The following ANTXR2 variants were observed in gnomAD, a reference collection of about 807,000 sequenced individuals.
ANTXR2 encodes anthrax toxin receptor 2.
In ANTXR2, 44 loss-of-function variants were observed where a neutral mutation model predicts 73.7. The ratio of observed to expected loss-of-function variants is 0.60; its 90% CI spans 0.47 to 0.77. ANTXR2 has a LOEUF of 0.77. ANTXR2 is among the 30% of genes least tolerant of loss of function. ANTXR2 has a pLI of 0.00. For synonymous variants in ANTXR2, 217 were observed against 205.9 expected (o/e 1.05, Z -0.46); for missense variants, 604 against 592.5 (o/e 1.02, Z -0.20).
At position 79,905,922 on chromosome 4, in the gene ANTXR2, G is replaced by A. The variant is rs1168345775; in HGVS notation, c.*1507C>T. 1 of 152,492 alleles carries A rather than the reference G, an allele frequency of 6.6e-6. No homozygotes were observed. The highest frequency in any genetic ancestry group is 2.4e-5 in the African/African-American group (1 of 41,394). The allele number at this position is 152,492 out of a possible 1,614,324, so 9.4% of individuals were successfully genotyped here. On this transcript the variant is annotated 3_prime_UTR_variant, in exon 17 of 17. Transcript: ENST00000403729. ...GTTGAACTTATTTTTAGTGTCATTTGATAAGCCTTTGTGCTCACAGAGAGA... is the reference window on the plus strand; with the variant it reads ...GTTGAACTTATTTTTAGTGTCATTTAATAAGCCTTTGTGCTCACAGAGAGA...
chr4:79,930,349 C>T (rs190382557), intron 16 of ANTXR2, among the ~76,000 whole-genome samples: 1 of 152,262 alleles, frequency 6.6e-6, no homozygotes, highest in African/African-American at 2.4e-5. Flanking sequence ...CTAAAACCTA[C>T]AGTACAACAC....
intron 16 of ANTXR2, among the ~76,000 whole-genome samples, chr4:79,950,634 A>C (rs1387256650): frequency 6.6e-6 from 1 of 152,170 alleles, no homozygotes; most frequent in South Asian, 2.1e-4. Flanking sequence ...ACTTTAAAAA[A>C]CAAAACAAAA....
At chr4:80,039,779 A>G (rs1238408432) in intron 7 of ANTXR2, among the ~76,000 whole-genome samples, 4 of 152,098 alleles carry the variant, frequency 2.6e-5, no homozygotes, top group Non-Finnish European at 4.4e-5. Context: ...TACAGGATAC[A>G]TATCCAAAAG....
chr4:79,985,567 C>A (rs1458894335), intron 12 of ANTXR2, among the ~76,000 whole-genome samples: 4 of 151,956 alleles, frequency 2.6e-5, no homozygotes, highest in African/African-American at 7.3e-5. Flanking sequence ...ACAGAGACAC[C>A]AGCTGATCCC....
At chr4:80,009,646 A>T (rs1215837730) in intron 11 of ANTXR2, among the ~76,000 whole-genome samples, 5 of 152,096 alleles carry the variant, frequency 3.3e-5, no homozygotes, top group Non-Finnish European at 5.9e-5. Flanking sequence ...CAGGAGTATG[A>T]GACCAGCCTG....
chr4:80,039,820 T>C (rs891617508), intron 7 of ANTXR2, among the ~76,000 whole-genome samples: 2 of 151,998 alleles, frequency 1.3e-5, no homozygotes, highest in Non-Finnish European at 2.9e-5. Context: ...AAAGCAATCA[T>C]GTGTTCATCG....
chr4:79,956,225 C>T (rs1318880098), intron 16 of ANTXR2, among the ~76,000 whole-genome samples: 1 of 152,062 alleles, frequency 6.6e-6, no homozygotes, highest in Non-Finnish European at 1.5e-5. Context: ...GAGTAATATG[C>T]ATGCATTCTG....
At chr4:79,931,485 T>TC (rs1728055977) in intron 16 of ANTXR2, among the ~76,000 whole-genome samples, 1 of 132,996 alleles carries the variant, frequency 7.5e-6, no homozygotes, top group East Asian at 2.4e-4. Flanking sequence ...CTCTCTCTCT[T>TC]TCTCCCCAAA....
At chr4:79,910,565 A>G (rs911700422) in intron 16 of ANTXR2, among the ~76,000 whole-genome samples, 1 of 151,824 alleles carries the variant, frequency 6.6e-6, no homozygotes, top group Non-Finnish European at 1.5e-5. Context: ...CAAAAAAAAC[A>G]GATATTGTTG....
intron 10 of ANTXR2, among the ~76,000 whole-genome samples, 174 bp downstream of exon 10, chr4:80,031,449 G>A (rs1732689686): frequency 6.6e-6 from 1 of 151,846 alleles, no homozygotes. Context: ...TAAGAGTATA[G>A]CTGAAGTACT....
At chr4:80,024,406 G>A (rs1419449710) in intron 10 of ANTXR2, among the ~76,000 whole-genome samples, 1 of 152,180 alleles carries the variant, frequency 6.6e-6, no homozygotes, top group Non-Finnish European at 1.5e-5. Context: ...AGCTCATCAG[G>A]AAGAAAAAGG....
intron 16 of ANTXR2, among the ~76,000 whole-genome samples, chr4:79,976,798 T>C (rs1468944286): frequency 6.6e-6 from 1 of 152,188 alleles, no homozygotes. Context: ...CTTCCTGCCC[T>C]GCATCAGATT....
In ANTXR2 at chr4:80,072,424, T is replaced by C. The variant is rs1734843632; in HGVS notation, c.137A>G (p.Tyr46Cys). 1 of 1,605,106 alleles carries C rather than the reference T, an allele frequency of 6.2e-7. No homozygotes were observed. Among genetic ancestry groups the C allele is most frequent in the South Asian group, 1.1e-5 (1 of 89,826 alleles). ...QPSCRRAFDLYFVLDKSGSVA... is the reference protein window; with the variant it reads ...QPSCRRAFDLCFVLDKSGSVA... ...GCACACTCACTTGTCCAGGACGAAG[T>C]AGAGATCAAAGGCTCTTCTGCAGGA... The change falls in exon 1 of 17, where the codon TAC becomes TGC. Residue 46 changes from tyrosine (Y) to cysteine (C), a missense_variant. Transcript: ENST00000403729.
At chr4:79,988,706 C>T (rs564795784) in intron 12 of ANTXR2, among the ~76,000 whole-genome samples, 1 of 152,236 alleles carries the variant, frequency 6.6e-6, no homozygotes, top group Non-Finnish European at 1.5e-5. Context: ...TTCTCATCTG[C>T]ATATGGCACA....
chr4:80,014,818 C>T (rs1425979441), intron 11 of ANTXR2, among the ~76,000 whole-genome samples: 1 of 152,152 alleles, frequency 6.6e-6, no homozygotes, highest in Admixed American at 6.5e-5. Flanking sequence ...TTAGCACTAC[C>T]TCCTATTAGG....
At chr4:80,062,482 C>T (rs1187687304) in intron 3 of ANTXR2, among the ~76,000 whole-genome samples, 1 of 152,198 alleles carries the variant, frequency 6.6e-6, no homozygotes, top group African/African-American at 2.4e-5. Flanking sequence ...AGATGTGGGA[C>T]TTCAGCGAAA....
intron 16 of ANTXR2, among the ~76,000 whole-genome samples, chr4:79,973,423 A>T (rs1174421730): frequency 6.8e-6 from 1 of 147,254 alleles, no homozygotes; most frequent in African/African-American, 2.5e-5. Context: ...ATAAATTTGG[A>T]TTTTTTTTTT....
intron 10 of ANTXR2, among the ~76,000 whole-genome samples, chr4:80,020,097 G>A (rs939103876): frequency 3.3e-5 from 5 of 152,298 alleles, no homozygotes; most frequent in Admixed American, 2.0e-4. Flanking sequence ...CCATCCACAG[G>A]GTAGGCATGG....
At chr4:80,069,413 C>A (rs994156260) in intron 3 of ANTXR2, 23 bp downstream of exon 3, 1 of 1,534,086 alleles carries the variant, frequency 6.5e-7, no homozygotes, top group East Asian at 2.3e-5. Flanking sequence ...TAAAAGCCTG[C>A]AGTGAAATGA....
Sources: allele counts gnomAD v4.1 joint callset (sites outside exome capture counted in the v4.1 genomes callset), GRCh38; gene constraint gnomAD v4.1.1; transcripts MANE v1.5; gene names NCBI Gene and HGNC (gene_info 2026-07-23, HGNC 2026-07-21).